Variants in PPP2R3A observed in about 807,000 individuals in gnomAD.
The protein encoded by PPP2R3A is serine/threonine-protein phosphatase 2A regulatory subunit B'' subunit alpha.
PPP2R3A carries 80 observed loss-of-function variants against 106.9 expected under a neutral mutation model. The observed-to-expected ratio is 0.75, with a 90% confidence interval of 0.62 to 0.90. PPP2R3A has a LOEUF of 0.90. PPP2R3A is among the 40% of genes least tolerant of loss of function. PPP2R3A has a pLI of 0.00. For missense variants in PPP2R3A, 1,386 were observed against 1,350.4 expected (o/e 1.03, Z -0.41); for synonymous variants, 483 against 468.3 (o/e 1.03, Z -0.41).
intron 13 of PPP2R3A, among the ~76,000 whole-genome samples, chr3:136,123,686 A>G (rs1160962011): frequency 5.9e-5 from 9 of 152,238 alleles, no homozygotes; most frequent in Non-Finnish European, 1.3e-4. Context: ...TAGTGTTAAA[A>G]TGCAGTAGCC....
intron 10 of PPP2R3A, among the ~76,000 whole-genome samples, chr3:136,099,367 A>C (rs1465232970): frequency 2.0e-5 from 3 of 152,212 alleles, no homozygotes; most frequent in Non-Finnish European, 4.4e-5. Context: ...AGAGGGGGAA[A>C]GATAACTTGG....
chr3:136,079,133 A>C, intron 7 of PPP2R3A: 1 of 449,820 alleles, frequency 2.2e-6, no homozygotes, highest in African/African-American at 2.0e-5. Flanking sequence ...ATTTTTTCCT[A>C]TCTTCATCTG....
chr3:136,135,559 A>C (rs1938578174), intron 13 of PPP2R3A, among the ~76,000 whole-genome samples: 1 of 152,124 alleles, frequency 6.6e-6, no homozygotes, highest in Non-Finnish European at 1.5e-5. Flanking sequence ...CCACAGAAAG[A>C]CCAGAGGCTT....
intron 4 of PPP2R3A, among the ~76,000 whole-genome samples, chr3:136,043,415 C>A (rs773391027): frequency 1.3e-5 from 2 of 152,064 alleles, no homozygotes; most frequent in Non-Finnish European, 2.9e-5. Flanking sequence ...GCCGAGATCG[C>A]GCCTCTGCAC....
intron 1 of PPP2R3A, among the ~76,000 whole-genome samples, chr3:135,987,650 C>CACAG (rs1932975359): frequency 6.6e-6 from 1 of 152,030 alleles, no homozygotes; most frequent in Non-Finnish European, 1.5e-5. Flanking sequence ...CATAAGAGAC[C>CACAG]TATGGAGAAT....
chr3:136,064,140 C>T (rs1475352317), intron 5 of PPP2R3A, among the ~76,000 whole-genome samples: 1 of 151,518 alleles, frequency 6.6e-6, no homozygotes, highest in Non-Finnish European at 1.5e-5. Flanking sequence ...AGCTGGAAAC[C>T]ATCATTCTGA....
In PPP2R3A at chr3:136,002,864, A is replaced by G; in HGVS notation, c.1366A>G (p.Thr456Ala). The change falls in exon 2 of 14, where the codon ACT (threonine) becomes GCT (alanine). Residue 456 changes from threonine to alanine, a missense_variant. By Grantham distance (58) the Thr-to-Ala change is moderately conservative (BLOSUM62 0). Coordinates refer to ENST00000264977, the MANE Select transcript of PPP2R3A (RefSeq NM_002718.5). ...EHRAEFPEHA[T>A]HLKKCPTPMQ... ...TAGAGCAGAATTTCCAGAACATGCT[A>G]CTCATCTTAAAAAATGCCCCACCCC... 6.2e-7 allele frequency: 1 copy of G among 1,613,914 alleles called. No individual in the cohort carries two copies. Among genetic ancestry groups the G allele is most frequent in the Non-Finnish European group, 8.5e-7 (1 of 1,179,920 alleles).
chr3:136,115,722 G>C (rs1169345016), intron 13 of PPP2R3A, among the ~76,000 whole-genome samples: 1 of 151,900 alleles, frequency 6.6e-6, no homozygotes, highest in Non-Finnish European at 1.5e-5. Context: ...AACGAACAAA[G>C]TCTCCAAGAA....
At chr3:136,135,772 C>T (rs1413996331) in intron 13 of PPP2R3A, among the ~76,000 whole-genome samples, 1 of 151,918 alleles carries the variant, frequency 6.6e-6, no homozygotes, top group East Asian at 1.9e-4. Flanking sequence ...CATCATGGGC[C>T]CACTGCAGTG....
intron 3 of PPP2R3A, among the ~76,000 whole-genome samples, chr3:136,030,027 C>T (rs980869978): frequency 2.6e-5 from 4 of 152,154 alleles, no homozygotes; most frequent in Non-Finnish European, 5.9e-5. Flanking sequence ...GCCTGGGCAA[C>T]ATAGTGAGAC....
intron 12 of PPP2R3A, among the ~76,000 whole-genome samples, chr3:136,104,815 C>T (rs769718326): frequency 1.3e-5 from 2 of 152,162 alleles, no homozygotes; most frequent in Non-Finnish European, 2.9e-5. Context: ...AACTCATGTT[C>T]GGCTTGGAAA....
chr3:136,129,157 A>G (rs1938300517), intron 13 of PPP2R3A, among the ~76,000 whole-genome samples: 1 of 152,120 alleles, frequency 6.6e-6, no homozygotes, highest in South Asian at 2.1e-4. Flanking sequence ...AAGCCAAGAA[A>G]TAACTAAGAT....
intron 13 of PPP2R3A, among the ~76,000 whole-genome samples, chr3:136,136,075 T>TAAAAAA (rs1559940364): frequency 1.3e-4 from 1 of 7,758 alleles, no homozygotes; most frequent in African/African-American, 2.5e-4. Context: ...AAAAAAAAAT[T>TAAAAAA]ATATATATAT....
chr3:136,063,403 A>G (rs1476531231), intron 5 of PPP2R3A, among the ~76,000 whole-genome samples: 3 of 152,378 alleles, frequency 2.0e-5, no homozygotes, highest in Middle Eastern at 3.4e-3. Context: ...AATGGCAACA[A>G]AAGCCAAAAT....
Position 136,026,874 on chromosome 3 carries a change from C to T in PPP2R3A, c.2038C>T (p.Pro680Ser), listed in dbSNP as rs367543396. 1.1e-4 allele frequency: 184 copies of T among 1,612,836 alleles called. No individual in the cohort carries two copies. The highest frequency in any genetic ancestry group is 1.0e-4 in the Admixed American group (6 of 59,992). ...AAAGAAACCTGGAACACCACTCCCACCTCCAGCCACCTCTCCAAGTAGTCC... is the reference window on the plus strand; with the variant it reads ...AAAGAAACCTGGAACACCACTCCCATCTCCAGCCACCTCTCCAAGTAGTCC... ...PEKKPGTPLP[P>S]PATSPSSPRP... is the part of the protein sequence containing the mutation. The change falls in exon 3 of 14, where the codon CCT becomes TCT. Residue 680 changes from proline (P) to serine (S), a missense_variant. Pro to Ser is a moderately conservative substitution (Grantham distance 74, BLOSUM62 -1). Transcript: ENST00000264977.
intron 5 of PPP2R3A, 95 bp downstream of exon 5, chr3:136,049,456 C>A: frequency 1.2e-6 from 1 of 836,254 alleles, no homozygotes; most frequent in Non-Finnish European, 1.9e-6. Context: ...TTGAGCTACA[C>A]AGATCTAGAT....
At chr3:136,108,533 AT>A (rs1937550721) in intron 13 of PPP2R3A, among the ~76,000 whole-genome samples, 1 of 152,186 alleles carries the variant, frequency 6.6e-6, no homozygotes, top group Admixed American at 6.5e-5. Context: ...ATAGTAAAGT[AT>A]ATTAAAAGAC....
chr3:136,102,620 T>TA (rs1198253353), intron 11 of PPP2R3A, among the ~76,000 whole-genome samples: 1 of 152,146 alleles, frequency 6.6e-6, no homozygotes, highest in Non-Finnish European at 1.5e-5. Flanking sequence ...GTGCTGGGGT[T>TA]ACAGGCGTGA....
chr3:135,967,291 T>C (rs1373127689), intron 1 of PPP2R3A, among the ~76,000 whole-genome samples: 1 of 152,130 alleles, frequency 6.6e-6, no homozygotes, highest in African/African-American at 2.4e-5. Context: ...TTTGGGAAAG[T>C]GTTACTGGGG....
Sources: allele counts gnomAD v4.1 joint callset (sites outside exome capture counted in the v4.1 genomes callset), GRCh38; gene constraint gnomAD v4.1.1; transcripts MANE v1.5; gene names NCBI Gene and HGNC (gene_info 2026-07-23, HGNC 2026-07-21).